Variants in COL6A5 observed in about 807,000 individuals in gnomAD.
COL6A5 encodes collagen alpha-5(VI) chain.
A neutral mutation model predicts 65.6 loss-of-function variants in COL6A5; 48 were observed. The observed-to-expected ratio is 0.73, with a 90% confidence interval of 0.58 to 0.93. COL6A5 has a LOEUF of 0.93. Ranked by LOEUF, COL6A5 falls within the 40% of genes least tolerant of loss-of-function variation. COL6A5 has a pLI of 0.00. For missense variants in COL6A5, 914 were observed against 928.3 expected, an observed-to-expected ratio of 0.98 and a Z score of 0.20; for synonymous variants, 291 against 322.8, an observed-to-expected ratio of 0.90 and a Z score of 1.05.
rs763449871 is a variant in COL6A5 at position 130,455,435 on chromosome 3, A to C, written c.1333-20A>C. On this transcript the variant is annotated intron_variant, in intron 4 of 7. Transcript: ENST00000512836. ...TCTCTAAAGTTATCTAGACTCACCT[A>C]AAGTTTTTTTTTCTTCTAGATTTGT... 1 of 1,527,530 alleles carries C rather than the reference A, an allele frequency of 6.5e-7. No homozygotes were observed. The highest frequency in any genetic ancestry group is 1.7e-5 in the Admixed American group (1 of 57,616). 94.6% of individuals were successfully genotyped at this position (1,527,530 alleles called of 1,614,324 possible). A position where few individuals can be genotyped will look rare whatever the true frequency, so the allele number is the denominator to read the frequency against.
intron 7 of COL6A5, among the ~76,000 whole-genome samples, chr3:130,476,343 C>T (rs895469617): frequency 1.3e-5 from 2 of 152,046 alleles, no homozygotes; most frequent in African/African-American, 4.8e-5. Context: ...GCCCTATCTT[C>T]AATACAGTCA....
chr3:130,358,196 AAAAT>A (rs1490321708), intron 1 of COL6A5, among the ~76,000 whole-genome samples: 4 of 151,772 alleles, frequency 2.6e-5, no homozygotes, highest in Non-Finnish European at 4.4e-5. Flanking sequence ...CTCAAAAAAA[AAAAT>A]AAATAAATAA....
intron 4 of COL6A5, among the ~76,000 whole-genome samples, chr3:130,453,703 A>G (rs1577526362): frequency 6.6e-6 from 1 of 152,064 alleles, no homozygotes. Flanking sequence ...TGCTTCTTCG[A>G]GCTTAGATCC....
intron 25 of COL6A5, among the ~76,000 whole-genome samples, chr3:130,419,999 A>G (rs1937479235): frequency 6.6e-6 from 1 of 152,236 alleles, no homozygotes; most frequent in Admixed American, 6.5e-5. Context: ...CCCACAATCC[A>G]TTGCCTCCAT....
chr3:130,419,244 C>T (rs758428919), intron 25 of COL6A5, among the ~76,000 whole-genome samples: 1 of 152,020 alleles, frequency 6.6e-6, no homozygotes, highest in Non-Finnish European at 1.5e-5. Context: ...CAACACTGCC[C>T]ATTTCTCCTC....
intron 19 of COL6A5, among the ~76,000 whole-genome samples, 163 bp from the exon 20 acceptor site, chr3:130,410,308 T>A (rs1937133815): frequency 6.6e-6 from 1 of 152,200 alleles, no homozygotes; most frequent in Non-Finnish European, 1.5e-5. Flanking sequence ...TTGCTATACT[T>A]TTTTCTTCTT....
exon 6 of COL6A5, chr3:130,389,043 TG>T (rs1254989171): frequency 7.9e-6 from 12 of 1,512,170 alleles, no homozygotes; most frequent in Non-Finnish European, 1.1e-5. Context: ...AAGAGATCAG[TG>T]GGGATAGCAG....
At chr3:130,463,022 A>G (rs971141763) in intron 5 of COL6A5, among the ~76,000 whole-genome samples, 5 of 152,076 alleles carry the variant, frequency 3.3e-5, no homozygotes, top group Admixed American at 3.3e-4. Context: ...TCATCTGTAA[A>G]ATGGAAATGA....
At chr3:130,429,646 A>C, upstream of COL6A5, 1 of 1,395,512 alleles carries the variant, frequency 7.2e-7, no homozygotes, top group Non-Finnish European at 9.7e-7. Context: ...CAACAAGACC[A>C]ATCTGAAAGA....
At chr3:130,363,737 T>C (rs987961620) in intron 1 of COL6A5, among the ~76,000 whole-genome samples, 2 of 152,238 alleles carry the variant, frequency 1.3e-5, no homozygotes, top group Admixed American at 1.3e-4. Context: ...TTAACGAAAG[T>C]GTGGGTGCCA....
At chr3:130,466,713 G>A (rs1709826319) in intron 5 of COL6A5, among the ~76,000 whole-genome samples, 1 of 151,930 alleles carries the variant, frequency 6.6e-6, no homozygotes, top group Non-Finnish European at 1.5e-5. Context: ...ATTGATAAAT[G>A]TATAATTAAA....
chr3:130,421,470 A>G, intron 27 of COL6A5, 110 bp downstream of exon 27: 1 of 1,037,568 alleles, frequency 9.6e-7, no homozygotes, highest in Non-Finnish European at 1.4e-6. Context: ...GAAACCAAGG[A>G]CAGTTGTTTT....
intron 4 of COL6A5, among the ~76,000 whole-genome samples, chr3:130,454,381 C>T (rs1709516879): frequency 6.6e-6 from 1 of 152,164 alleles, no homozygotes; most frequent in Non-Finnish European, 1.5e-5. Flanking sequence ...CAAAATTATT[C>T]ACACAGTGTG....
intron 5 of COL6A5, among the ~76,000 whole-genome samples, chr3:130,387,376 T>C (rs1936228379): frequency 6.6e-6 from 1 of 152,100 alleles, no homozygotes; most frequent in Non-Finnish European, 1.5e-5. Context: ...CTGTCACAAA[T>C]AGATACCAGG....
At chr3:130,468,922 G>C in exon 6 of COL6A5, 1 of 1,612,540 alleles carries the variant, frequency 6.2e-7, no homozygotes, top group Admixed American at 1.7e-5. Flanking sequence ...GAAGTGATGA[G>C]TTTAAGGAAG....
chr3:130,408,482 A>G (rs1380350379), intron 17 of COL6A5, among the ~76,000 whole-genome samples: 1 of 152,184 alleles, frequency 6.6e-6, no homozygotes, highest in Non-Finnish European at 1.5e-5. Context: ...TATCAATGAC[A>G]ATGTGTGCCC....
At position 130,431,776 on chromosome 3, in the gene COL6A5, G is replaced by A. The variant is rs940080995; in HGVS notation, c.316G>A (p.Val106Met). ...TGCAATGAGGTTTGTGACCCGCAAC[G>A]TGTTCAAGCGGACGTATGCAGGAGC... is the stretch of plus-strand genomic sequence containing the variant. Residue 106 changes from valine (V) to methionine (M), a missense_variant, in exon 1 of 8, where the codon GTG becomes ATG. Val to Met is a conservative substitution (Grantham distance 21). Transcript: ENST00000512836. The A allele has an allele frequency of 4.5e-6, 7 of 1,551,584 alleles. No individual in the cohort carries two copies. In the Admixed American group the frequency reaches 5.9e-5, roughly 13 times the overall value.
chr3:130,420,762 A>AT (rs11413566), intron 25 of COL6A5, among the ~76,000 whole-genome samples: 104,984 of 151,788 alleles, frequency 0.69, 37,004 homozygotes, highest in Non-Finnish European at 0.75. Flanking sequence ...TCAAATTTGC[A>AT]TTTTTTTGTT....
intron 1 of COL6A5, among the ~76,000 whole-genome samples, chr3:130,438,230 C>T (rs1429790779): frequency 1.3e-5 from 2 of 152,128 alleles, no homozygotes; most frequent in East Asian, 1.9e-4. Context: ...CTCCTGACCT[C>T]GTGATCCACC....
Sources: allele counts gnomAD v4.1 joint callset (sites outside exome capture counted in the v4.1 genomes callset), GRCh38; gene constraint gnomAD v4.1.1; transcripts MANE v1.5; gene names NCBI Gene and HGNC (gene_info 2026-07-23, HGNC 2026-07-21).